ARID1B: variants seen among roughly 807,000 people sequenced by gnomAD.
ARID1B encodes AT-rich interaction domain 1B.
A neutral mutation model predicts 212.3 loss-of-function variants in ARID1B; 30 were observed. The ratio of observed to expected loss-of-function variants is 0.14; its 90% CI spans 0.11 to 0.19. The LOEUF is 0.19. Ranked by LOEUF, ARID1B falls within the 10% of genes least tolerant of loss-of-function variation. ARID1B has a pLI of 1.00. For synonymous variants in ARID1B, 1,402 were observed against 1,301.7 expected (o/e 1.08, Z -1.66); for missense variants, 2,891 against 3,204.0 (o/e 0.90, Z 2.36).
intron 4 of ARID1B, among the ~76,000 whole-genome samples, chr6:156,997,023 T>A (rs995275044): frequency 6.6e-6 from 1 of 152,216 alleles, no homozygotes; most frequent in Non-Finnish European, 1.5e-5. Context: ...TTTGTCCTAG[T>A]AAACCTGATT....
At chr6:156,842,317 C>T (rs1363188965) in intron 2 of ARID1B, among the ~76,000 whole-genome samples, 3 of 152,132 alleles carry the variant, frequency 2.0e-5, no homozygotes, top group Non-Finnish European at 2.9e-5. Flanking sequence ...TGCCTTCTAC[C>T]GCTGGATTTA....
At chr6:157,088,663 CT>C (rs1785100827) in intron 5 of ARID1B, among the ~76,000 whole-genome samples, 2 of 152,116 alleles carry the variant, frequency 1.3e-5, no homozygotes, top group African/African-American at 2.4e-5. Context: ...TTGGTCTTTG[CT>C]TTTTGTTTTA....
chr6:156,915,962 C>T (rs551613171), intron 3 of ARID1B, among the ~76,000 whole-genome samples: 1 of 150,878 alleles, frequency 6.6e-6, no homozygotes, highest in African/African-American at 2.4e-5. Context: ...TAACAAATTA[C>T]GCGCCCCACC....
intron 4 of ARID1B, among the ~76,000 whole-genome samples, chr6:156,980,086 A>G (rs1777511392): frequency 6.6e-6 from 1 of 152,228 alleles, no homozygotes; most frequent in African/African-American, 2.4e-5. Context: ...AGGAAAGTAT[A>G]TGTAAAAATT....
chr6:157,051,673 G>GA (rs545885664), intron 4 of ARID1B, among the ~76,000 whole-genome samples: 59 of 151,852 alleles, frequency 3.9e-4, no homozygotes, highest in African/African-American at 1.2e-3. Flanking sequence ...GCAGAGGAAA[G>GA]AAAAAAAATG....
At chr6:157,172,593 A>G (rs1791791972) in intron 9 of ARID1B, among the ~76,000 whole-genome samples, 1 of 152,176 alleles carries the variant, frequency 6.6e-6, no homozygotes, top group Non-Finnish European at 1.5e-5. Flanking sequence ...GTGGCAGGGC[A>G]GGCTTTTTTG....
intron 1 of ARID1B, among the ~76,000 whole-genome samples, chr6:156,784,399 A>G (rs1779493023): frequency 6.6e-6 from 1 of 152,186 alleles, no homozygotes; most frequent in Non-Finnish European, 1.5e-5. Context: ...CTTGGAGGCT[A>G]TTTGAATGAG....
intron 16 of ARID1B, among the ~76,000 whole-genome samples, 175 bp downstream of exon 16, chr6:157,196,490 C>T (rs183408403): frequency 4.6e-5 from 7 of 152,292 alleles, no homozygotes; most frequent in Admixed American, 2.6e-4. Flanking sequence ...GGTGGCTGCC[C>T]TCAGTAGATG....
chr6:156,787,003 A>G (rs1779685570), intron 1 of ARID1B, among the ~76,000 whole-genome samples: 1 of 149,744 alleles, frequency 6.7e-6, no homozygotes, highest in Non-Finnish European at 1.5e-5. Context: ...AAATCTGGTC[A>G]ACAACAATTG....
chr6:157,121,629 CTTTT>C (rs1389687982), intron 6 of ARID1B, among the ~76,000 whole-genome samples: 1 of 112,916 alleles, frequency 8.9e-6, no homozygotes, highest in Non-Finnish European at 1.7e-5. Context: ...TCATATATAG[CTTTT>C]TTTTTTTTTT....
At chr6:157,039,793 CTTCT>C (rs1232604767) in intron 4 of ARID1B, among the ~76,000 whole-genome samples, 15 of 136,840 alleles carry the variant, frequency 1.1e-4, no homozygotes, top group South Asian at 7.3e-4. Flanking sequence ...TCCTTCCTTC[CTTCT>C]TTCTTTCTCT....
intron 8 of ARID1B, 136 bp downstream of exon 8, chr6:157,149,087 G>C (rs1790014461): frequency 2.3e-6 from 2 of 873,694 alleles, no homozygotes. Flanking sequence ...CGTTCTTTTT[G>C]TGTTAAATAT....
chr6:156,823,022 C>T (rs1403583966), intron 1 of ARID1B, among the ~76,000 whole-genome samples: 1 of 152,218 alleles, frequency 6.6e-6, no homozygotes, highest in Non-Finnish European at 1.5e-5. Flanking sequence ...GATATGACAG[C>T]AACTATCTAC....
chr6:156,818,648 G>A (rs2128006387), intron 1 of ARID1B, among the ~76,000 whole-genome samples: 1 of 152,300 alleles, frequency 6.6e-6, no homozygotes, highest in Non-Finnish European at 1.5e-5. Context: ...TCAGAAGTAG[G>A]AGAGAGATGT....
intron 4 of ARID1B, among the ~76,000 whole-genome samples, chr6:156,946,770 G>T (rs1341350986): frequency 6.6e-6 from 1 of 152,270 alleles, no homozygotes; most frequent in East Asian, 1.9e-4. Context: ...TGTTGGTGGC[G>T]TTGCTGACAA....
In ARID1B at chr6:157,028,474, G is replaced by A. The variant is rs11961115; in HGVS notation, c.2248-56188G>A. ...AGGGAAAGCATTGCTTTTATTGAAA[G>A]TACTACCTGTTTTCAAAATGTTTGA... On this transcript the variant is annotated intron_variant, in intron 4 of 19. Transcript: ENST00000636930. Among the ~76,000 whole-genome samples, 676 of 152,316 alleles carry A rather than the reference G, an allele frequency of 4.4e-3. 4 individuals carry two copies. The highest frequency in any genetic ancestry group is 0.015 in the African/African-American group (643 of 41,570).
chr6:157,004,253 G>T (rs1306267964), intron 4 of ARID1B, among the ~76,000 whole-genome samples: 1 of 152,192 alleles, frequency 6.6e-6, no homozygotes, highest in South Asian at 2.1e-4. Context: ...CACATGCTAC[G>T]ATGTTTTCCA....
At chr6:157,198,332 A>G (rs1219209719) in intron 16 of ARID1B, among the ~76,000 whole-genome samples, 1 of 152,250 alleles carries the variant, frequency 6.6e-6, no homozygotes, top group Non-Finnish European at 1.5e-5. Context: ...TTTTCCATTC[A>G]TAATGAGAAT....
intron 6 of ARID1B, among the ~76,000 whole-genome samples, chr6:157,113,160 A>T (rs542414304): frequency 2.6e-5 from 4 of 152,270 alleles, no homozygotes; most frequent in African/African-American, 9.6e-5. Context: ...ACCTCAGGTG[A>T]TGTACCTGCC....
Sources: allele counts gnomAD v4.1 joint callset (sites outside exome capture counted in the v4.1 genomes callset), GRCh38; gene constraint gnomAD v4.1.1; transcripts MANE v1.5; gene names NCBI Gene and HGNC (gene_info 2026-07-23, HGNC 2026-07-21).